The following KIAA1549L variants were observed in gnomAD, a reference collection of about 807,000 sequenced individuals.
KIAA1549L encodes the protein UPF0606 protein KIAA1549L.
A neutral mutation model predicts 160.7 loss-of-function variants in KIAA1549L; 88 were observed. The ratio of observed to expected loss-of-function variants is 0.55; its 90% CI spans 0.46 to 0.65. KIAA1549L has a LOEUF of 0.65. KIAA1549L is among the 30% of genes least tolerant of loss of function. KIAA1549L has a pLI of 0.00. For missense variants in KIAA1549L, 2,258 were observed against 2,437.5 expected, an observed-to-expected ratio of 0.93 and a Z score of 1.55; for synonymous variants, 950 against 976.7, an observed-to-expected ratio of 0.97 and a Z score of 0.51.
chr11:33,399,275 G>C lies in KIAA1549L; in HGVS notation c.238+22386G>C, dbSNP rs370103418. Among the ~76,000 whole-genome samples the C allele has an allele frequency of 3.9e-5, 6 of 152,146 alleles. No individual in the cohort carries two copies. The East Asian group carries it at 9.7e-4, about 25-fold the overall frequency. On this transcript the variant is annotated intron_variant, in intron 1 of 20. Coordinates refer to ENST00000658780, the MANE Select transcript of KIAA1549L (RefSeq NM_012194.3). ...GCCCAGTTAGTGTTTATAATGTCAT[G>C]AGATTTTTGTGTTTTGGGGTGGAAA...
chr11:33,549,160 T>A (rs1226632674), intron 4 of KIAA1549L, among the ~76,000 whole-genome samples: 2 of 151,832 alleles, frequency 1.3e-5, no homozygotes, highest in African/African-American at 2.4e-5. Flanking sequence ...TTTTTTTTTA[T>A]GGATTCTGTT....
intron 1 of KIAA1549L, among the ~76,000 whole-genome samples, chr11:33,500,504 C>T (rs978544229): frequency 1.3e-5 from 2 of 152,138 alleles, no homozygotes; most frequent in Non-Finnish European, 2.9e-5. Context: ...ACAGGAATTG[C>T]TGTGGAGTCT....
In KIAA1549L at chr11:33,494,844, C is replaced by T. The variant is rs569876985; in HGVS notation, c.239-46958C>T. Among the ~76,000 whole-genome samples the T allele has an allele frequency of 4.1e-4, 62 of 152,254 alleles. No homozygotes were observed. In the South Asian group the frequency reaches 5.8e-3, roughly 14 times the overall value. On this transcript the variant is annotated intron_variant, in intron 1 of 20. Coordinates refer to ENST00000658780, the MANE Select transcript of KIAA1549L (RefSeq NM_012194.3). ...TCATACAGCTTTTGTGTGAGAAGAACGATTTGTCTTTTGGTGGTCCATGCT... is the reference window on the plus strand; with the variant it reads ...TCATACAGCTTTTGTGTGAGAAGAATGATTTGTCTTTTGGTGGTCCATGCT...
At chr11:33,458,231 T>C (rs1245906780) in intron 1 of KIAA1549L, among the ~76,000 whole-genome samples, 2 of 152,340 alleles carry the variant, frequency 1.3e-5, no homozygotes, top group East Asian at 3.9e-4. Flanking sequence ...TGTTTGAAGC[T>C]GGACTACCAT....
rs185757726 is a variant in KIAA1549L, at chr11:33,673,178, C to G, written c.*5024C>G. On this transcript the variant is annotated 3_prime_UTR_variant, in exon 21 of 21. Transcript: ENST00000658780. ...TAGAAGATATGCAGTTGCTCTGATT[C>G]TGCAGGTTTAAAAAAAATGGGAAGT... The G allele has an allele frequency of 2.4e-4, 36 of 151,500 alleles. No individual in the cohort carries two copies. The East Asian group carries it at 6.6e-3, about 28-fold the overall frequency. The allele number at this position is 151,500 out of a possible 1,614,324, so 9.4% of individuals were successfully genotyped here. A position where few individuals can be genotyped will look rare whatever the true frequency, so the allele number is the denominator to read the frequency against.
In KIAA1549L at chr11:33,610,595, C is replaced by T. The variant is rs535599319; in HGVS notation, c.5279+629C>T. Among the ~76,000 whole-genome samples the T allele has an allele frequency of 2.0e-4, 30 of 152,272 alleles. No homozygotes were observed. The South Asian group carries it at 4.6e-3, about 23-fold the overall frequency. ...CAGTCCTATTGCTGCTCTTATGGAA[C>T]TTAGGGTCTAATGGGAGAGAAAGAA... On this transcript the variant is annotated intron_variant, in intron 15 of 20. Transcript: ENST00000658780.
rs927506493 is a variant in KIAA1549L, at chr11:33,591,425, G to C, written c.4751+4G>C. Reference sequence around the variant, plus strand: ...AATCCACTGAAACCAGGAAGAGGTAGGCACGGGGCTGACTTCTGCCTCTCT... The same window carrying C: ...AATCCACTGAAACCAGGAAGAGGTACGCACGGGGCTGACTTCTGCCTCTCT... On this transcript the variant is annotated splice_donor_region_variant and intron_variant, in intron 12 of 20. Transcript: ENST00000658780. 1 of 1,595,072 alleles carries C rather than the reference G, an allele frequency of 6.3e-7. No individual in the cohort carries two copies. Among genetic ancestry groups the C allele is most frequent in the African/African-American group, 1.3e-5 (1 of 74,426 alleles).
intron 1 of KIAA1549L, among the ~76,000 whole-genome samples, chr11:33,405,634 CAGAT>C (rs1274200697): frequency 1.1e-4 from 17 of 150,840 alleles, no homozygotes; most frequent in South Asian, 4.2e-4. Context: ...ACAAGGTTGA[CAGAT>C]AGAGAACATC....
Position 33,439,593 on chromosome 11 carries a change from A to G in KIAA1549L, c.238+62704A>G, listed in dbSNP as rs1258430517. 3.4e-5 allele frequency among the ~76,000 whole-genome samples: 3 copies of G among 88,416 alleles called. 1 individual carries two copies. The highest frequency in any genetic ancestry group is 0.014 in the Middle Eastern group (2 of 138). 58.0% of individuals were successfully genotyped at this position (88,416 alleles called of 152,430 possible). The stretch of plus-strand genomic sequence containing the variant: ...AATTTTTTTTTTTTTTTTTTTTTTT[A>G]GTATAGACGGGGTTTCACTGTGTTA... On this transcript the variant is annotated intron_variant, in intron 1 of 20. Transcript: ENST00000658780.
intron 11 of KIAA1549L, among the ~76,000 whole-genome samples, chr11:33,588,193 T>C (rs886576086): frequency 1.3e-5 from 2 of 152,216 alleles, no homozygotes; most frequent in African/African-American, 4.8e-5. Context: ...TAATATCAAA[T>C]GAAGCTGAAA....
intron 11 of KIAA1549L, among the ~76,000 whole-genome samples, chr11:33,587,237 G>C (rs1849910970): frequency 3.3e-5 from 5 of 152,120 alleles, no homozygotes; most frequent in Admixed American, 3.3e-4. Flanking sequence ...AATTACTGGA[G>C]ATTATTTTGA....
Position 33,667,853 on chromosome 11 carries a change from T to C in KIAA1549L, c.6160-20T>C, listed in dbSNP as rs1852524817. On this transcript the variant is annotated intron_variant, in intron 20 of 20. Transcript: ENST00000658780. ...TTCCTCATGCCAGGCCCTGTCCTTC[T>C]CTCCCCACGCCCTCTGCAGGTGCCC... 3 of 1,595,078 alleles carry C rather than the reference T, an allele frequency of 1.9e-6. No homozygotes were observed. Among genetic ancestry groups the C allele is most frequent in the Non-Finnish European group, 2.6e-6 (3 of 1,168,846 alleles).
intron 11 of KIAA1549L, among the ~76,000 whole-genome samples, chr11:33,585,939 T>C (rs889144453): frequency 6.6e-6 from 1 of 152,170 alleles, no homozygotes; most frequent in African/African-American, 2.4e-5. Context: ...GTTTTCCCCC[T>C]CCATGAGGCT....
rs376171809 is a variant in KIAA1549L, at chr11:33,559,793, C to T, written c.3900C>T (p.Tyr1300=). 5.3e-5 allele frequency: 85 copies of T among 1,613,844 alleles called. No individual in the cohort carries two copies. In the East Asian group the frequency reaches 1.3e-3, roughly 25 times the overall value. ...CCTCCCAGGCAGTCACCTTGGTGTA[C>T]GTCGTGGGCAATCAGAGCACATTCC... ...SNASQAVTLV[Y]VVGNQSTFLN... The change falls in exon 7 of 21, where the codon TAC becomes TAT. Residue 1300 remains tyrosine (Y), a synonymous_variant. Transcript: ENST00000658780.
At chr11:33,500,918 A>G (rs138926362) in intron 1 of KIAA1549L, among the ~76,000 whole-genome samples, 4 of 152,252 alleles carry the variant, frequency 2.6e-5, no homozygotes, top group African/African-American at 9.6e-5. Flanking sequence ...AGGTTTTGTT[A>G]CTGTTATACC....
chr11:33,465,034 TG>T (rs1256565555), intron 1 of KIAA1549L, among the ~76,000 whole-genome samples: 2 of 146,542 alleles, frequency 1.4e-5, no homozygotes, highest in Non-Finnish European at 3.0e-5. Context: ...TCAACTCGCA[TG>T]GGACCTTCTT....
intron 1 of KIAA1549L, among the ~76,000 whole-genome samples, chr11:33,430,262 C>T (rs1458388565): frequency 6.8e-6 from 1 of 147,022 alleles, no homozygotes; most frequent in East Asian, 2.0e-4. Context: ...CTCTCCCTCC[C>T]TCCCTCTCTC....
chr11:33,477,313 C>G (rs908285073), intron 1 of KIAA1549L, among the ~76,000 whole-genome samples: 8 of 152,136 alleles, frequency 5.3e-5, no homozygotes, highest in African/African-American at 1.9e-4. Context: ...AAGTCTGTCT[C>G]TGATACTTCA....
chr11:33,520,457 T>G (rs1195250100), intron 1 of KIAA1549L, among the ~76,000 whole-genome samples: 1 of 152,004 alleles, frequency 6.6e-6, no homozygotes, highest in African/African-American at 2.4e-5. Flanking sequence ...AGTTCATTGA[T>G]TTTCAGACTT....
Sources: gnomAD v4.1 joint callset for allele counts (sites outside exome capture counted in the v4.1 genomes callset) on GRCh38, gnomAD v4.1.1 for gene constraint, MANE v1.5 for transcripts, NCBI Gene and HGNC (gene_info 2026-07-23, HGNC 2026-07-21) for gene names.